LRRC56: variants seen among roughly 807,000 people sequenced by gnomAD.
LRRC56 encodes the protein leucine rich repeat containing 56.
A neutral mutation model predicts 47.8 loss-of-function variants in LRRC56; 41 were observed. The observed-to-expected ratio is 0.86, with a 90% CI of 0.67 to 1.11. The LOEUF is 1.11. Among genes scored for constraint, LRRC56 ranks in the 50% most tolerant of loss-of-function variants. The pLI is 0.00. For synonymous variants in LRRC56, 387 were observed against 311.2 expected (o/e 1.24, Z -2.56); for missense variants, 759 against 704.2 (o/e 1.08, Z -0.88).
intron 5 of LRRC56, among the ~76,000 whole-genome samples, chr11:542,580 C>CAAAAAAAAAAAAAAAAAAAAA (rs71022928): frequency 2.7e-4 from 7 of 25,996 alleles, no homozygotes; most frequent in African/African-American, 6.4e-4. Flanking sequence ...AACCCTGTCG[C>CAAAAAAAAAAAAAAAAAAAAA]AAAAAAAAAA....
chr11:536,106 G>A (rs1353321816), upstream of LRRC56, among the ~76,000 whole-genome samples: 4 of 152,192 alleles, frequency 2.6e-5, no homozygotes, highest in Non-Finnish European at 5.9e-5. Flanking sequence ...CTACCACCAC[G>A]CACCCCAGCT....
At position 541,722 on chromosome 11, in the gene LRRC56, T is replaced by G. The variant is rs1035789214; in HGVS notation, c.265+98T>G. 2 of 754,250 alleles carry G rather than the reference T, an allele frequency of 2.7e-6. No individual in the cohort carries two copies. Among genetic ancestry groups the G allele is most frequent in the African/African-American group, 3.6e-5 (2 of 54,914 alleles). The allele number at this position is 754,250 out of a possible 1,614,324, so 46.7% of individuals were successfully genotyped here. On this transcript the variant is annotated intron_variant, in intron 5 of 13. Coordinates refer to ENST00000270115, the MANE Select transcript of LRRC56 (RefSeq NM_198075.4). This position sits in a 1 kb window ranked among gnomAD's most constrained non-coding sequence, Gnocchi z 4.1. ...TTATGACGACAAAGCTGTCCTCACC[T>G]CTCGGGCCGCGTATCGGCTTCCTTA...
At chr11:518,752 C>A in the LRRC56 span, among the ~76,000 whole-genome samples, 151 of 152,304 alleles carry the variant, frequency 9.9e-4, 1 homozygote, top group African/African-American at 3.5e-3. Context: ...CAGGAGCCGG[C>A]CCCGGGCTGC....
chr11:515,191 A>G, the LRRC56 span, among the ~76,000 whole-genome samples: 1 of 152,042 alleles, frequency 6.6e-6, no homozygotes, highest in Admixed American at 6.6e-5. Context: ...GGGCATTGGT[A>G]GGGGACTTTG....
At chr11:522,857 T>C in the LRRC56 span, among the ~76,000 whole-genome samples, 48 of 152,282 alleles carry the variant, frequency 3.2e-4, no homozygotes, top group Admixed American at 8.5e-4. Context: ...CAAGCGATTC[T>C]CCTGCATCAG....
chr11:522,460 GT>G, the LRRC56 span, among the ~76,000 whole-genome samples: 1 of 152,076 alleles, frequency 6.6e-6, no homozygotes, highest in Non-Finnish European at 1.5e-5. Context: ...TTGAGACGGG[GT>G]TTCACTGTGT....
chr11:543,803 C>T (rs1324623719), intron 5 of LRRC56, among the ~76,000 whole-genome samples: 10 of 152,178 alleles, frequency 6.6e-5, no homozygotes, highest in Non-Finnish European at 1.5e-4. Context: ...GGCTGGAGTG[C>T]AGTGGCGCAA....
chr11:527,796 G>T, the LRRC56 span, among the ~76,000 whole-genome samples: 1 of 151,648 alleles, frequency 6.6e-6, no homozygotes, highest in Non-Finnish European at 1.5e-5. Context: ...CACCCACTGG[G>T]TTCAATCGAT....
chr11:532,361 T>C, the LRRC56 span: 2 of 567,638 alleles, frequency 3.5e-6, no homozygotes, highest in Non-Finnish European at 6.3e-6. Flanking sequence ...AGACAGTCTG[T>C]GCACAGCCTC....
Position 541,578 on chromosome 11 carries a change from G to A in LRRC56, c.219G>A (p.Thr73=), listed in dbSNP as rs778467375. Residue 73 remains threonine, a synonymous_variant, in exon 5 of 14, where the codon ACG becomes ACA. Transcript: ENST00000270115. The surrounding 1 kb of genome is among the most constrained non-coding windows in gnomAD (Gnocchi z 4.1). ...ARVDDLRLVR[T]LEMCVDTREG... ...TGGATGACCTTCGGCTGGTGAGGAC[G>A]CTGGAGATGTGTGTGGACACTCGTG... The A allele has an allele frequency of 1.0e-5, 16 of 1,590,432 alleles. No individual in the cohort carries two copies. The highest frequency in any genetic ancestry group is 4.7e-5 in the East Asian group (2 of 42,566).
intron 6 of LRRC56, among the ~76,000 whole-genome samples, chr11:546,827 C>T (rs1173824896): frequency 2.6e-5 from 4 of 151,806 alleles, no homozygotes; most frequent in African/African-American, 9.7e-5. Context: ...CCAAGGCAGG[C>T]GGATCACGAG....
chr11:527,285 CAA>C, the LRRC56 span, among the ~76,000 whole-genome samples: 1 of 152,002 alleles, frequency 6.6e-6, no homozygotes, highest in Non-Finnish European at 1.5e-5. Flanking sequence ...TGGCCAACAT[CAA>C]GACTCCATCT....
chr11:530,914 G>C, the LRRC56 span, among the ~76,000 whole-genome samples: 22 of 49,518 alleles, frequency 4.4e-4, no homozygotes, highest in Admixed American at 7.2e-4. Flanking sequence ...GTCCCCTGGA[G>C]AGAAGGGGGA....
intron 1 of LRRC56, among the ~76,000 whole-genome samples, chr11:538,151 G>A (rs1310064060): frequency 6.6e-6 from 1 of 152,160 alleles, no homozygotes; most frequent in African/African-American, 2.4e-5. Flanking sequence ...AGTTCAATGG[G>A]GTCTTTGGAT....
At chr11:542,748 C>G (rs1173924395) in intron 5 of LRRC56, among the ~76,000 whole-genome samples, 1 of 152,124 alleles carries the variant, frequency 6.6e-6, no homozygotes, top group Non-Finnish European at 1.5e-5. Context: ...ATGCAACACC[C>G]CTTTATCTAC....
Position 551,172 on chromosome 11 carries a change from C to T in LRRC56, c.666C>T (p.Leu222=). Residue 222 remains leucine, a synonymous_variant, in exon 9 of 14, where the codon CTC becomes CTT. Coordinates refer to ENST00000270115, the MANE Select transcript of LRRC56 (RefSeq NM_198075.4). ...GYNYRAEVRK[L]IPQLQVLDEV... Reference sequence around the variant, plus strand: ...ACTACAGGGCAGAGGTGAGGAAGCTCATTCCCCAGCTGCAGGTCCTGGACG... The same window carrying T: ...ACTACAGGGCAGAGGTGAGGAAGCTTATTCCCCAGCTGCAGGTCCTGGACG... 1 of 1,543,024 alleles carries T rather than the reference C, an allele frequency of 6.5e-7. No homozygotes were observed. The highest frequency in any genetic ancestry group is 8.8e-7 in the Non-Finnish European group (1 of 1,142,326).
Position 552,362 on chromosome 11 carries a change from G to A in LRRC56, c.1181+130G>A, listed in dbSNP as rs1055137069. 6 of 1,359,636 alleles carry A rather than the reference G, an allele frequency of 4.4e-6. No individual in the cohort carries two copies. In the South Asian group the frequency reaches 5.6e-5, roughly 13 times the overall value. The allele number at this position is 1,359,636 out of a possible 1,614,324, so 84.2% of individuals were successfully genotyped here. A position where few individuals can be genotyped will look rare whatever the true frequency, so the allele number is the denominator to read the frequency against. On this transcript the variant is annotated intron_variant, in intron 12 of 13. Transcript: ENST00000270115. ...CATCCCTGCATGTCCTGTCCCGTGG[G>A]GGGATCAGGGCTGGGGCTACCTTGG...
the LRRC56 span, among the ~76,000 whole-genome samples, chr11:508,207 T>G: frequency 6.6e-6 from 1 of 152,242 alleles, no homozygotes; most frequent in African/African-American, 2.4e-5. Flanking sequence ...ACTCCACTGC[T>G]TAGGCTGTAC....
the LRRC56 span, among the ~76,000 whole-genome samples, chr11:507,573 C>T: frequency 6.6e-6 from 1 of 152,168 alleles, no homozygotes; most frequent in Non-Finnish European, 1.5e-5. Flanking sequence ...GAGGCCGGGG[C>T]CCGGTGCGGC....
Sources: gnomAD v4.1 joint callset for allele counts (sites outside exome capture counted in the v4.1 genomes callset) on GRCh38, gnomAD v4.1.1 for gene constraint, Gnocchi (gnomAD v3.1) non-coding constraint, MANE v1.5 for transcripts, NCBI Gene and HGNC (gene_info 2026-07-23, HGNC 2026-07-21) for gene names.